Variants in CHD7 observed in about 807,000 individuals in gnomAD.
CHD7 encodes ATP-dependent chromatin remodeler CHD7.
In CHD7, 24 loss-of-function variants were observed where a neutral mutation model predicts 307.3. The observed-to-expected ratio is 0.08, with a 90% confidence interval of 0.06 to 0.11. The LOEUF (loss-of-function observed/expected upper bound fraction) is 0.11. Among genes scored for constraint, CHD7 ranks in the 10% least tolerant of loss-of-function variants. The pLI is 1.00. For missense variants in CHD7, 3,106 were observed against 3,727.1 expected (o/e 0.83, Z 4.34); for synonymous variants, 1,363 against 1,349.9 (o/e 1.01, Z -0.21).
chr8:60,681,460 G>A (rs1358667045), intron 1 of CHD7, among the ~76,000 whole-genome samples: 2 of 152,152 alleles, frequency 1.3e-5, no homozygotes, highest in African/African-American at 4.8e-5. Flanking sequence ...CATGGAGTAG[G>A]ACTTGGTTTG....
At chr8:60,679,451 C>CGGGGG (rs1805458431) in intron 1 of CHD7, 1 of 30,774 alleles carries the variant, frequency 3.2e-5, no homozygotes, top group Non-Finnish European at 6.8e-5. Context: ...GGGGGGGGTA[C>CGGGGG]GGGGGACAGG....
intron 1 of CHD7, among the ~76,000 whole-genome samples, chr8:60,726,947 A>G (rs755430518): frequency 3.7e-4 from 56 of 151,952 alleles, no homozygotes; most frequent in Non-Finnish European, 6.8e-4. Context: ...GCCCCTTCTT[A>G]CTTGTCTCTG....
At chr8:60,787,895 C>G (rs888423702) in intron 3 of CHD7, among the ~76,000 whole-genome samples, 13 of 143,898 alleles carry the variant, frequency 9.0e-5, no homozygotes, top group African/African-American at 3.4e-4. Context: ...GTGGCACGAT[C>G]TCGGCTCACT....
At position 60,715,761 on chromosome 8, in the gene CHD7, AAAAAC is replaced by A. The variant is rs145810726; in HGVS notation, c.-174-25477_-174-25473del. On this transcript the variant is annotated intron_variant, in intron 1 of 37. Transcript: ENST00000423902. Reference sequence around the variant, plus strand: ...TGTATATGGCAATACTCTACCTTAGAAAAACAAAACAAAACAAAACAAAACGTCAA... The same window carrying A: ...TGTATATGGCAATACTCTACCTTAGAAAAACAAAACAAAACAAAACGTCAA... Among the ~76,000 whole-genome samples, 911 of 152,126 alleles carry A rather than the reference AAAAAC, an allele frequency of 6.0e-3. 7 individuals carry two copies. The highest frequency in any genetic ancestry group is 8.2e-3 in the Non-Finnish European group (558 of 68,004).
At chr8:60,782,219 T>C (rs1189137928) in intron 3 of CHD7, among the ~76,000 whole-genome samples, 2 of 152,264 alleles carry the variant, frequency 1.3e-5, no homozygotes, top group Non-Finnish European at 2.9e-5. Context: ...GATGGAACTA[T>C]GGTCAGCCTT....
At chr8:60,836,586 T>A (rs1586417178) in intron 16 of CHD7, among the ~76,000 whole-genome samples, 1 of 152,360 alleles carries the variant, frequency 6.6e-6, no homozygotes, top group East Asian at 1.9e-4. Flanking sequence ...CAGCTGTTTT[T>A]AGAATTTAAC....
chr8:60,700,004 A>G (rs938076289), intron 1 of CHD7, among the ~76,000 whole-genome samples: 2 of 151,232 alleles, frequency 1.3e-5, no homozygotes, highest in Admixed American at 6.6e-5. Flanking sequence ...CTAATTTTGT[A>G]TTTTTAGTAG....
At chr8:60,723,968 TC>T (rs925934383) in intron 1 of CHD7, among the ~76,000 whole-genome samples, 3 of 152,200 alleles carry the variant, frequency 2.0e-5, no homozygotes, top group African/African-American at 7.2e-5. Flanking sequence ...CAGACCTGGG[TC>T]CTCACCTCCG....
intron 2 of CHD7, among the ~76,000 whole-genome samples, chr8:60,761,491 A>T (rs1189694377): frequency 6.6e-6 from 1 of 152,080 alleles, no homozygotes; most frequent in Non-Finnish European, 1.5e-5. Context: ...TTAAAGTATA[A>T]TAATAATTAA....
At chr8:60,709,911 A>G (rs1466633522) in intron 1 of CHD7, among the ~76,000 whole-genome samples, 1 of 152,224 alleles carries the variant, frequency 6.6e-6, no homozygotes, top group African/African-American at 2.4e-5. Context: ...GTATAAATTT[A>G]TGTATACCTG....
At chr8:60,793,889 G>A (rs1258753589) in intron 3 of CHD7, among the ~76,000 whole-genome samples, 3 of 152,128 alleles carry the variant, frequency 2.0e-5, no homozygotes, top group Non-Finnish European at 2.9e-5. Context: ...TTGGGAGGCC[G>A]AGGCAGGTGG....
intron 1 of CHD7, among the ~76,000 whole-genome samples, chr8:60,702,184 G>T (rs182403799): frequency 6.6e-6 from 1 of 152,288 alleles, no homozygotes; most frequent in Non-Finnish European, 1.5e-5. Context: ...GTGGTGTGTG[G>T]GTGGGTGAGA....
rs747846723 is a variant in CHD7, at chr8:60,852,837, G to T, written c.6112G>T (p.Asp2038Tyr). The T allele has an allele frequency of 1.2e-6, 2 of 1,611,822 alleles. No homozygotes were observed. The highest frequency in any genetic ancestry group is 4.5e-5 in the East Asian group (2 of 44,806). ...MPVKPDDEPP[D>Y]LSSIIEPITE... ...GCCCTTCTGTGTTACAGAACCGCCC[G>T]ACCTCTCCTCCATAATTGAGCCGAT... The change falls in exon 31 of 38, where the codon GAC (aspartate) becomes TAC (tyrosine). Residue 2038 changes from aspartate to tyrosine, a missense_variant. Physicochemically the swap from Asp to Tyr is radical, Grantham distance 160. Around this residue, in one of 10 missense-constraint regions of CHD7, gnomAD observed 1,030 missense variants for 1,165.4 expected, o/e 0.88. Transcript: ENST00000423902.
Position 60,828,666 on chromosome 8 carries a change from C to T in CHD7, c.3382C>T (p.His1128Tyr), listed in dbSNP as rs747298346. ...GGCTTTCCTTGTGTTACCTCAGGAA[C>T]ACAAAGTGCTGCTGACGGGAACCCC... ...LEGLKMMDLE[H>Y]KVLLTGTPLQ... The change falls in exon 14 of 38, where the codon CAC becomes TAC. Residue 1128 changes from histidine to tyrosine, a missense_variant. By Grantham distance (83) the His-to-Tyr change is moderately conservative (BLOSUM62 2). Around this residue, in one of 10 missense-constraint regions of CHD7, gnomAD observed 232 missense variants for 422.5 expected, o/e 0.55. Transcript: ENST00000423902. The T allele has an allele frequency of 1.9e-6, 3 of 1,602,088 alleles. No homozygotes were observed. The Admixed American group carries it at 5.2e-5, about 28-fold the overall frequency.
At chr8:60,813,344 C>T (rs1476467956) in intron 7 of CHD7, among the ~76,000 whole-genome samples, 1 of 152,034 alleles carries the variant, frequency 6.6e-6, no homozygotes, top group Non-Finnish European at 1.5e-5. Flanking sequence ...ATATAATCTG[C>T]AAACAGAGAT....
chr8:60,725,723 G>A (rs1277610362), intron 1 of CHD7, among the ~76,000 whole-genome samples: 1 of 152,192 alleles, frequency 6.6e-6, no homozygotes, highest in African/African-American at 2.4e-5. Flanking sequence ...TGGTGATTAG[G>A]GAGAGATTGT....
intron 16 of CHD7, 138 bp downstream of exon 16, chr8:60,836,421 T>C (rs2150776135): frequency 1.5e-6 from 1 of 689,440 alleles, no homozygotes; most frequent in African/African-American, 1.8e-5. Context: ...TTTTTAAAAC[T>C]ATAGATGTAC....
rs1293035436 is a variant in CHD7, at chr8:60,855,962, C to T, written c.6937-13C>T. 14 of 1,564,986 alleles carry T rather than the reference C, an allele frequency of 8.9e-6. No homozygotes were observed. The Admixed American group carries it at 9.0e-5, about 10-fold the overall frequency. ...TTTGTTAAAATTTCTTGTGACTTTTCTTCTCCCTCCAGGATAGAGTAATGA... is the reference window on the plus strand; with the variant it reads ...TTTGTTAAAATTTCTTGTGACTTTTTTTCTCCCTCCAGGATAGAGTAATGA... On this transcript the variant is annotated splice_polypyrimidine_tract_variant and intron_variant, in intron 32 of 37. Coordinates refer to ENST00000423902, the MANE Select transcript of CHD7 (RefSeq NM_017780.4).
chr8:60,751,027 T>C (rs763649573), intron 2 of CHD7, among the ~76,000 whole-genome samples: 1 of 152,202 alleles, frequency 6.6e-6, no homozygotes, highest in Non-Finnish European at 1.5e-5. Context: ...AGATACGTTA[T>C]TGAAGTTTGA....
Sources: allele counts gnomAD v4.1 joint callset (sites outside exome capture counted in the v4.1 genomes callset), GRCh38; gene constraint gnomAD v4.1.1; regional missense constraint gnomAD v4.1.1; transcripts MANE v1.5; gene names NCBI Gene and HGNC (gene_info 2026-07-23, HGNC 2026-07-21).